Variants in TTLL4 observed in about 807,000 individuals in gnomAD.
TTLL4 encodes the protein tubulin tyrosine ligase like 4, also known as tubulin monoglutamylase TTLL4.
TTLL4 carries 85 observed loss-of-function variants against 122.7 expected under a neutral mutation model. That is an observed-to-expected ratio of 0.69 (90% CI 0.58 to 0.83). The LOEUF is 0.83. Among genes scored for constraint, TTLL4 ranks in the 40% least tolerant of loss-of-function variants. TTLL4 has a pLI of 0.00. For synonymous variants in TTLL4, 553 were observed against 563.0 expected (o/e 0.98, Z 0.25); for missense variants, 1,363 against 1,488.6 (o/e 0.92, Z 1.39).
Position 218,754,166 on chromosome 2 carries a change from T to C in TTLL4, c.3377T>C (p.Leu1126Pro). The change falls in exon 20 of 20, where the codon CTC becomes CCC. Residue 1126 changes from leucine (L) to proline (P), a missense_variant. Leu to Pro is a moderately conservative substitution (Grantham distance 98, BLOSUM62 -3). Around this residue, in one of 3 missense-constraint regions of TTLL4, gnomAD observed 596 missense variants for 655.8 expected, o/e 0.91. Transcript: ENST00000392102. ...KQSSCEVSLL[L>P]SEDGTTPKSK... ...AGCTCCTGTGAGGTTAGCCTACTACTCTCTGAAGACGGGACCACGCCCAAA... is the reference window on the plus strand; with the variant it reads ...AGCTCCTGTGAGGTTAGCCTACTACCCTCTGAAGACGGGACCACGCCCAAA... The C allele has an allele frequency of 6.2e-7, 1 of 1,614,156 alleles. No homozygotes were observed. The highest frequency in any genetic ancestry group is 2.2e-5 in the East Asian group (1 of 44,876).
Position 218,748,920 on chromosome 2 carries a change from C to T in TTLL4, c.2586C>T (p.Val862=), listed in dbSNP as rs762672615. The change falls in exon 13 of 20, where the codon GTC becomes GTT. Residue 862 remains valine, a synonymous_variant. Coordinates refer to ENST00000392102, the MANE Select transcript of TTLL4 (RefSeq NM_014640.5). ...GGGAGAAGATAAAGGATGTTGTTGT[C>T]AAAACTATCATCTCGTGAGTCACAT... ...AIWEKIKDVV[V]KTIISSEPYV... is the part of the protein sequence containing the mutation. The T allele has an allele frequency of 8.1e-6, 13 of 1,614,088 alleles. No homozygotes were observed. In the South Asian group the frequency reaches 1.3e-4, roughly 16 times the overall value.
intron 7 of TTLL4, 166 bp from the exon 8 acceptor site, chr2:218,745,989 A>G: frequency 7.9e-6 from 7 of 881,296 alleles, no homozygotes; most frequent in Non-Finnish European, 1.3e-5. Flanking sequence ...TGAGAGACAG[A>G]GGGCCATTGT....
At chr2:218,749,878 C>A in intron 14 of TTLL4, 131 bp from the exon 15 acceptor site, 1 of 1,225,108 alleles carries the variant, frequency 8.2e-7, no homozygotes, top group Non-Finnish European at 1.1e-6. Flanking sequence ...GGTGATCCTG[C>A]ATGGGGATGT....
intron 1 of TTLL4, among the ~76,000 whole-genome samples, chr2:218,719,721 C>G (rs1941976951): frequency 6.6e-6 from 1 of 152,194 alleles, no homozygotes; most frequent in South Asian, 2.1e-4. Flanking sequence ...AGGTGAATCT[C>G]AGGACTTTGC....
In TTLL4 at chr2:218,752,833, A is replaced by G. The variant is rs114350088; in HGVS notation, c.3047A>G (p.Glu1016Gly). The G allele has an allele frequency of 6.2e-7, 1 of 1,614,134 alleles. No homozygotes were observed. Among genetic ancestry groups the G allele is most frequent in the African/African-American group, 1.3e-5 (1 of 75,026 alleles). ...DVRILVEMED[E>G]FSRRGQFERI... ...CGGATTCTGGTTGAGATGGAAGATG[A>G]GTTTTCTCGCCGTGGTCAGTTTGAA... The change falls in exon 17 of 20, where the codon GAG becomes GGG. Residue 1016 changes from glutamate to glycine, a missense_variant. This residue lies in a region of TTLL4 where 596 missense variants were observed against 655.8 expected (regional missense o/e 0.91). Coordinates refer to ENST00000392102, the MANE Select transcript of TTLL4 (RefSeq NM_014640.5).
chr2:218,744,687 TCTTGTTTGGTTTTCCTCCTTC>T (rs1942791675), intron 5 of TTLL4, among the ~76,000 whole-genome samples: 1 of 152,210 alleles, frequency 6.6e-6, no homozygotes, highest in Non-Finnish European at 1.5e-5. Flanking sequence ...ACACCTCAGA[TCTTGTTTGGTTTTCCTCCTTC>T]GTAATTTTTA....
chr2:218,717,679 A>G (rs559794268), intron 1 of TTLL4, among the ~76,000 whole-genome samples: 62 of 152,210 alleles, frequency 4.1e-4, no homozygotes, highest in African/African-American at 1.4e-3. Flanking sequence ...TTTAGGAGAG[A>G]TATATTGCTC....
At chr2:218,735,967 C>CTTTTTT (rs765207077) in intron 2 of TTLL4, among the ~76,000 whole-genome samples, 29 of 79,964 alleles carry the variant, frequency 3.6e-4, no homozygotes, top group African/African-American at 1.5e-3. Context: ...CGTGCCCAGC[C>CTTTTTT]TTTTTTTTTT....
intron 5 of TTLL4, 134 bp from the exon 6 acceptor site, chr2:218,744,975 A>G (rs1173998001): frequency 4.6e-5 from 56 of 1,207,696 alleles, no homozygotes; most frequent in Non-Finnish European, 6.3e-5. Context: ...ATAATTATTA[A>G]TTATTGAGCA....
At chr2:218,730,325 A>AGAAAAG in intron 2 of TTLL4, among the ~76,000 whole-genome samples, 2 of 50,382 alleles carry the variant, frequency 4.0e-5, no homozygotes, top group African/African-American at 2.1e-4. Flanking sequence ...AAAAAAAAAA[A>AGAAAAG]AAAAAAAAAA....
intron 1 of TTLL4, among the ~76,000 whole-genome samples, chr2:218,719,772 T>G (rs1048034680): frequency 1.3e-5 from 2 of 152,190 alleles, no homozygotes; most frequent in African/African-American, 4.8e-5. Flanking sequence ...CCACAGTGTT[T>G]AGTAAGTGCT....
chr2:218,752,580 G>C (rs1329309394), intron 16 of TTLL4, among the ~76,000 whole-genome samples, 183 bp from the exon 17 acceptor site: 2 of 152,112 alleles, frequency 1.3e-5, no homozygotes, highest in East Asian at 3.9e-4. Context: ...CACTAGCTAA[G>C]TTCAGTAGAC....
In TTLL4 at chr2:218,748,952, C is replaced by T. The variant is rs754380868; in HGVS notation, c.2600+18C>T. The stretch of plus-strand genomic sequence containing the variant: ...ATCATCTCGTGAGTCACATTGCCAA[C>T]CTGGATGTGGGGCCTGCTGCTGACC... On this transcript the variant is annotated intron_variant, in intron 13 of 19. Coordinates refer to ENST00000392102, the MANE Select transcript of TTLL4 (RefSeq NM_014640.5). 5.3e-5 allele frequency: 85 copies of T among 1,611,782 alleles called. No individual in the cohort carries two copies. The highest frequency in any genetic ancestry group is 7.0e-5 in the Non-Finnish European group (83 of 1,178,282).
rs1187309659 is a variant in TTLL4, at chr2:218,748,883, G to T, written c.2549G>T (p.Ser850Ile). ...TACCTGAGCCAGAAGGGAGTCAATA[G>T]CGACGCCATCTGGGAGAAGATAAAG... ...WNYLSQKGVNSDAIWEKIKDV... is the reference protein window; with the variant it reads ...WNYLSQKGVNIDAIWEKIKDV... Residue 850 changes from serine to isoleucine, a missense_variant, in exon 13 of 20, where the codon AGC becomes ATC. Transcript: ENST00000392102. 6.2e-7 allele frequency: 1 copy of T among 1,614,146 alleles called. No individual in the cohort carries two copies. Among genetic ancestry groups the T allele is most frequent in the South Asian group, 1.1e-5 (1 of 91,072 alleles).
chr2:218,746,463 G>A (rs1463373965), intron 8 of TTLL4: 1 of 555,380 alleles, frequency 1.8e-6, no homozygotes, highest in Admixed American at 3.0e-5. Flanking sequence ...GTAGGGGGCA[G>A]CTGAGTCCCT....
intron 2 of TTLL4, among the ~76,000 whole-genome samples, chr2:218,731,815 G>A (rs899588939): frequency 1.3e-5 from 2 of 152,220 alleles, no homozygotes; most frequent in Non-Finnish European, 2.9e-5. Context: ...CCACAAGGCC[G>A]TAGCTGCTCA....
chr2:218,722,804 G>A (rs780007783), intron 1 of TTLL4, among the ~76,000 whole-genome samples: 1 of 152,250 alleles, frequency 6.6e-6, no homozygotes, highest in Non-Finnish European at 1.5e-5. Context: ...GGTAATGACA[G>A]TGGAAATGGG....
At chr2:218,749,962 T>G in intron 14 of TTLL4, 47 bp from the exon 15 acceptor site, 1 of 1,601,896 alleles carries the variant, frequency 6.2e-7, no homozygotes, top group Non-Finnish European at 8.5e-7. Flanking sequence ...GACCAGAGAC[T>G]GTTTCGGAGT....
chr2:218,738,025 C>G lies in TTLL4; in HGVS notation c.349C>G (p.Leu117Val). ...SLPDLFNSTL[L>V]YRRSSYRQKP... ...CCCGGACTTGTTCAACAGCACCCTG[C>G]TATACCGCCGCTCCAGCTATAGGCA... is the stretch of plus-strand genomic sequence containing the variant. Residue 117 changes from leucine to valine, a missense_variant, in exon 3 of 20, where the codon CTA becomes GTA. Physicochemically the swap from Leu to Val is conservative, Grantham distance 32. This residue lies in a region of TTLL4 where 760 missense variants were observed against 808.4 expected (regional missense o/e 0.94). Coordinates refer to ENST00000392102, the MANE Select transcript of TTLL4 (RefSeq NM_014640.5). 1 of 1,614,172 alleles carries G rather than the reference C, an allele frequency of 6.2e-7. No homozygotes were observed. Among genetic ancestry groups the G allele is most frequent in the Non-Finnish European group, 8.5e-7 (1 of 1,180,036 alleles).
Sources: gnomAD v4.1 joint callset for allele counts (sites outside exome capture counted in the v4.1 genomes callset) on GRCh38, gnomAD v4.1.1 for gene constraint, gnomAD v4.1.1 regional missense constraint, MANE v1.5 for transcripts, NCBI Gene and HGNC (gene_info 2026-07-23, HGNC 2026-07-21) for gene names.